PTBP3: variants seen among roughly 807,000 people sequenced by gnomAD.
PTBP3 encodes the protein polypyrimidine tract binding protein 3, also known as polypyrimidine tract-binding protein 3.
Under a neutral mutation model 58.7 loss-of-function variants are expected in PTBP3, and 20 were observed. That is an observed-to-expected ratio of 0.34 (90% confidence interval 0.24 to 0.50). The LOEUF (loss-of-function observed/expected upper bound fraction) is 0.50. PTBP3 is among the 20% of genes least tolerant of loss of function. PTBP3 has a pLI of 0.98. For synonymous variants in PTBP3, 185 were observed against 219.8 expected (o/e 0.84, Z 1.40); for missense variants, 509 against 637.2 (o/e 0.80, Z 2.17).
At chr9:112,267,472 T>C (rs1827145598) in intron 4 of PTBP3, among the ~76,000 whole-genome samples, 2 of 152,222 alleles carry the variant, frequency 1.3e-5, no homozygotes, top group African/African-American at 4.8e-5. Context: ...GTATTTACTT[T>C]GTGTATAAAG....
intron 8 of PTBP3, among the ~76,000 whole-genome samples, chr9:112,233,747 A>G (rs1051680070): frequency 6.6e-6 from 1 of 152,174 alleles, no homozygotes; most frequent in African/African-American, 2.4e-5. Flanking sequence ...CCTAGCCAAC[A>G]TGGCGAAACC....
At chr9:112,292,927 T>G (rs535449523) in intron 2 of PTBP3, among the ~76,000 whole-genome samples, 2 of 151,978 alleles carry the variant, frequency 1.3e-5, no homozygotes, top group South Asian at 4.2e-4. Context: ...AAATGAGAGA[T>G]AGAGGGCACA....
In PTBP3 at chr9:112,250,984, G is replaced by T. The variant is rs779190145; in HGVS notation, c.747C>A (p.Asp249Glu). 3 of 1,612,420 alleles carry T rather than the reference G, an allele frequency of 1.9e-6. No individual in the cohort carries two copies. ...ATGGCTGGCCATCACCAGTAGGAAG[G>T]TCTAAGCGAGTGAAGTCTCTGCTTT... ...NDKSRDFTRL[D>E]LPTGDGQPSL... Residue 249 changes from aspartate to glutamate, a missense_variant, in exon 7 of 14, where the codon GAC becomes GAA. Asp to Glu is a conservative substitution (Grantham distance 45, BLOSUM62 2). Transcript: ENST00000374257.
the PTBP3 span, among the ~76,000 whole-genome samples, chr9:112,368,977 G>T: frequency 6.6e-6 from 1 of 152,210 alleles, no homozygotes; most frequent in African/African-American, 2.4e-5. Flanking sequence ...TGCTTCAGAG[G>T]GTCCAATCCC....
chr9:112,330,408 A>C, intron 1 of PTBP3: 1 of 1,428,930 alleles, frequency 7.0e-7, no homozygotes, highest in East Asian at 2.3e-5. Context: ...AAGATATAAA[A>C]ATGCATATGA....
At chr9:112,269,702 G>A (rs1017311331) in intron 3 of PTBP3, among the ~76,000 whole-genome samples, 2 of 152,080 alleles carry the variant, frequency 1.3e-5, no homozygotes, top group Non-Finnish European at 2.9e-5. Context: ...TTTAATTCCT[G>A]TTAATTGGAC....
chr9:112,362,660 A>G, the PTBP3 span: 1 of 155,632 alleles, frequency 6.4e-6, no homozygotes, highest in Non-Finnish European at 1.5e-5. Context: ...TCCTACATTT[A>G]AGGTCTTTGA....
the PTBP3 span, among the ~76,000 whole-genome samples, chr9:112,372,899 CT>C: frequency 0.013 from 1,735 of 136,872 alleles, 53 homozygotes; most frequent in East Asian, 0.08. Flanking sequence ...CATAGGCTTT[CT>C]TTTTTTTTTT....
chr9:112,314,988 T>C (rs890334920), intron 1 of PTBP3, among the ~76,000 whole-genome samples: 1 of 152,096 alleles, frequency 6.6e-6, no homozygotes, highest in East Asian at 1.9e-4. Flanking sequence ...CACGCTGCCA[T>C]GCCCGGCTAA....
In PTBP3 at chr9:112,332,876, A is replaced by G. The variant is rs543640569; in HGVS notation, c.-52+594T>C. 2.5e-6 allele frequency: 4 copies of G among 1,608,398 alleles called. No individual in the cohort carries two copies. The Admixed American group carries it at 5.0e-5, about 20-fold the overall frequency. On this transcript the variant is annotated intron_variant, in intron 1 of 13. Transcript: ENST00000374257. ...AAGTCCAGACCCCTGGTGTCGAGAA[A>G]GCGTTAACGTATCTCACAGCACAAG...
chr9:112,259,120 A>T (rs10817305), intron 5 of PTBP3, among the ~76,000 whole-genome samples: 85,160 of 151,782 alleles, frequency 0.56, 25,757 homozygotes, highest in African/African-American at 0.81. Flanking sequence ...CTTGACTAAT[A>T]TTTTGTATTT....
intron 1 of PTBP3, among the ~76,000 whole-genome samples, chr9:112,323,330 A>G (rs938444957): frequency 1.2e-4 from 18 of 152,188 alleles, no homozygotes; most frequent in Non-Finnish European, 2.5e-4. Context: ...TCATTGCCCA[A>G]TGCCTATAAA....
At chr9:112,287,344 T>TG (rs961471842) in intron 2 of PTBP3, among the ~76,000 whole-genome samples, 2 of 142,762 alleles carry the variant, frequency 1.4e-5, no homozygotes, top group African/African-American at 5.2e-5. Flanking sequence ...GTTTTTTGTT[T>TG]TTTTTTTTTT....
In PTBP3 at chr9:112,219,202, A is replaced by C. The variant is rs1415927428; in HGVS notation, c.*4649T>G. The C allele has an allele frequency of 6.6e-6, 1 of 152,632 alleles. No individual in the cohort carries two copies. The highest frequency in any genetic ancestry group is 6.5e-5 in the Admixed American group (1 of 15,274). The allele number at this position is 152,632 out of a possible 1,614,324, so 9.5% of individuals were successfully genotyped here. A position where few individuals can be genotyped will look rare whatever the true frequency, so the allele number is the denominator to read the frequency against. On this transcript the variant is annotated 3_prime_UTR_variant, in exon 14 of 14. Transcript: ENST00000374257. ...GTCAGAGCAATGAGGTGACACTTTG[A>C]TGCAAAACTTTGCTTGGTCAGCAAT... is the stretch of plus-strand genomic sequence containing the variant.
At chr9:112,282,401 A>G (rs906649591) in intron 2 of PTBP3, among the ~76,000 whole-genome samples, 1 of 151,854 alleles carries the variant, frequency 6.6e-6, no homozygotes, top group Non-Finnish European at 1.5e-5. Context: ...CCTCTTTTCT[A>G]TCTACTTGTA....
chr9:112,333,379 C>G, intron 1 of PTBP3, 91 bp downstream of exon 1: 5 of 1,380,320 alleles, frequency 3.6e-6, no homozygotes, highest in Non-Finnish European at 4.8e-6. Context: ...GCGCCGCGCA[C>G]TGCTCCCCAG....
At chr9:112,236,793 G>C (rs1243480146) in intron 7 of PTBP3, among the ~76,000 whole-genome samples, 1 of 152,036 alleles carries the variant, frequency 6.6e-6, no homozygotes, top group East Asian at 1.9e-4. Context: ...GGCATTAAGG[G>C]TTTATATCTG....
chr9:112,221,310 C>G lies in PTBP3; in HGVS notation c.*2541G>C, dbSNP rs374399208. 1.0e-6 allele frequency: 1 copy of G among 985,598 alleles called. No individual in the cohort carries two copies. Among genetic ancestry groups the G allele is most frequent in the Admixed American group, 6.2e-5 (1 of 16,234 alleles). 61.1% of individuals were successfully genotyped at this position (985,598 alleles called of 1,614,324 possible). Reference sequence around the variant, plus strand: ...ACACACACACAAACACACCCCTACACAAATCCCTGAAAAGGATTCAAATGT... The same window carrying G: ...ACACACACACAAACACACCCCTACAGAAATCCCTGAAAAGGATTCAAATGT... On this transcript the variant is annotated 3_prime_UTR_variant, in exon 14 of 14. Coordinates refer to ENST00000374257, the MANE Select transcript of PTBP3 (RefSeq NM_001163788.4).
chr9:112,322,177 T>A (rs916696027), intron 1 of PTBP3, among the ~76,000 whole-genome samples: 2 of 149,304 alleles, frequency 1.3e-5, no homozygotes, highest in African/African-American at 4.9e-5. Context: ...TTCCAGTCTC[T>A]AGCAGGAGGA....
Sources: allele counts gnomAD v4.1 joint callset (sites outside exome capture counted in the v4.1 genomes callset), GRCh38; gene constraint gnomAD v4.1.1; transcripts MANE v1.5; gene names NCBI Gene and HGNC (gene_info 2026-07-23, HGNC 2026-07-21).